The following PJA2 variants were observed in gnomAD, a reference collection of about 807,000 sequenced individuals.
PJA2 encodes praja ring finger ubiquitin ligase 2, also known as E3 ubiquitin-protein ligase Praja-2.
In PJA2, 25 loss-of-function variants were observed where a neutral mutation model predicts 69.3. The ratio of observed to expected loss-of-function variants is 0.36; its 90% confidence interval spans 0.26 to 0.50. The LOEUF is 0.50. Ranked by LOEUF, PJA2 falls within the 20% of genes least tolerant of loss-of-function variation. The pLI, the probability that PJA2 is intolerant of heterozygous loss-of-function variation, is 0.96. For missense variants in PJA2, 809 were observed against 830.2 expected, an observed-to-expected ratio of 0.97 and a Z score of 0.31; for synonymous variants, 308 against 277.8, an observed-to-expected ratio of 1.11 and a Z score of -1.08.
At chr5:109,408,884 C>T (rs893953533) in intron 1 of PJA2, among the ~76,000 whole-genome samples, 5 of 152,184 alleles carry the variant, frequency 3.3e-5, no homozygotes, top group African/African-American at 1.2e-4. Flanking sequence ...AGGTGACTGC[C>T]ATTTTAAAGA....
chr5:109,353,991 A>ATATCTAGAGATATCTATAGATTAGATATC (rs1762339629), intron 7 of PJA2, among the ~76,000 whole-genome samples: 1 of 142,166 alleles, frequency 7.0e-6, no homozygotes, highest in Non-Finnish European at 1.6e-5. Context: ...GATTAGATAG[A>ATATCTAGAGATATCTATAGATTAGATATC]TATCTAGAGA....
At chr5:109,363,807 C>T (rs768010816) in intron 5 of PJA2, among the ~76,000 whole-genome samples, 1 of 151,692 alleles carries the variant, frequency 6.6e-6, no homozygotes, top group Non-Finnish European at 1.5e-5. Flanking sequence ...TGGTACAGAT[C>T]AAGAAAATAA....
At chr5:109,356,110 C>T in intron 6 of PJA2, 84 bp from the exon 7 acceptor site, 4 of 828,130 alleles carry the variant, frequency 4.8e-6, no homozygotes, top group South Asian at 4.6e-5. Context: ...TATTAGCATA[C>T]TGACAAGCCG....
intron 1 of PJA2, among the ~76,000 whole-genome samples, chr5:109,385,219 A>T (rs947506287): frequency 2.0e-5 from 3 of 152,232 alleles, no homozygotes; most frequent in Non-Finnish European, 4.4e-5. Flanking sequence ...TGTATTGAAT[A>T]GCATGAAGAG....
chr5:109,394,361 C>A (rs368789562), intron 1 of PJA2, among the ~76,000 whole-genome samples: 5 of 151,924 alleles, frequency 3.3e-5, no homozygotes, highest in South Asian at 2.1e-4. Flanking sequence ...TGCTAGTTCT[C>A]GACTTGGCTG....
chr5:109,344,120 A>AAG, intron 9 of PJA2, 70 bp downstream of exon 9: 1 of 838,736 alleles, frequency 1.2e-6, no homozygotes, highest in East Asian at 3.4e-5. Flanking sequence ...AAAAAAAAAA[A>AAG]GATACTATTA....
At position 109,392,907 on chromosome 5, in the gene PJA2, GA is replaced by G. The variant is rs563753812; in HGVS notation, c.-87-9388del. 5.3e-5 allele frequency among the ~76,000 whole-genome samples: 8 copies of G among 151,638 alleles called. No homozygotes were observed. The South Asian group carries it at 1.7e-3, about 32-fold the overall frequency. On this transcript the variant is annotated intron_variant, in intron 1 of 9. Transcript: ENST00000361189. Reference sequence around the variant, plus strand: ...TACAAGGCAAAACAGTAAATCCAAAGAAAGGAGAAATCTTTACAATGTTGGA... The same window carrying G: ...TACAAGGCAAAACAGTAAATCCAAAGAAGGAGAAATCTTTACAATGTTGGA...
At chr5:109,367,286 A>G (rs1281674250) in intron 5 of PJA2, among the ~76,000 whole-genome samples, 1 of 151,272 alleles carries the variant, frequency 6.6e-6, no homozygotes, top group East Asian at 1.9e-4. Flanking sequence ...ATTTTTCTAT[A>G]TATTTTATTC....
At chr5:109,395,824 C>T (rs1254630878) in intron 1 of PJA2, among the ~76,000 whole-genome samples, 1 of 151,664 alleles carries the variant, frequency 6.6e-6, no homozygotes, top group Non-Finnish European at 1.5e-5. Flanking sequence ...CGTGGTGAAA[C>T]CCCATTTCTA....
intron 4 of PJA2, among the ~76,000 whole-genome samples, chr5:109,369,138 C>G (rs1356778600): frequency 6.6e-6 from 1 of 152,088 alleles, no homozygotes; most frequent in African/African-American, 2.4e-5. Flanking sequence ...GCTTCCTGTA[C>G]AGCCTGCTGA....
At chr5:109,379,369 T>C (rs1455083061) in intron 3 of PJA2, 115 bp from the exon 4 acceptor site, 1 of 732,516 alleles carries the variant, frequency 1.4e-6, no homozygotes, top group East Asian at 2.7e-5. Context: ...AATACATGAG[T>C]AAATTTATTT....
intron 6 of PJA2, among the ~76,000 whole-genome samples, chr5:109,357,268 A>G (rs1217522468): frequency 6.6e-6 from 1 of 150,404 alleles, no homozygotes; most frequent in Non-Finnish European, 1.5e-5. Flanking sequence ...TCCTATTTGA[A>G]TATCATAGTC....
At chr5:109,384,383 A>G (rs1420321034) in intron 1 of PJA2, among the ~76,000 whole-genome samples, 1 of 152,248 alleles carries the variant, frequency 6.6e-6, no homozygotes. Flanking sequence ...TCAATCAGGA[A>G]AAACTACAAT....
At chr5:109,402,353 A>C (rs1336778822) in intron 1 of PJA2, among the ~76,000 whole-genome samples, 1 of 152,194 alleles carries the variant, frequency 6.6e-6, no homozygotes, top group Non-Finnish European at 1.5e-5. Context: ...ATGGAAAATA[A>C]TATACAAACA....
At chr5:109,390,278 T>C (rs953638296) in intron 1 of PJA2, among the ~76,000 whole-genome samples, 8 of 152,038 alleles carry the variant, frequency 5.3e-5, no homozygotes, top group Admixed American at 3.9e-4. Context: ...TGTTACTATG[T>C]GAAAACATAT....
intron 1 of PJA2, among the ~76,000 whole-genome samples, chr5:109,388,274 G>T (rs931058218): frequency 3.3e-5 from 5 of 152,132 alleles, no homozygotes; most frequent in African/African-American, 1.2e-4. Flanking sequence ...AGGTCTTCCG[G>T]CAACAGCCAC....
chr5:109,380,815 A>T (rs10035266), intron 3 of PJA2, among the ~76,000 whole-genome samples: 1,679 of 151,268 alleles, frequency 0.011, 25 homozygotes, highest in Middle Eastern at 0.02. Context: ...AAAAAAAAAA[A>T]AAAAAAAAGA....
At chr5:109,388,924 C>G (rs1046094388) in intron 1 of PJA2, among the ~76,000 whole-genome samples, 6 of 152,132 alleles carry the variant, frequency 3.9e-5, no homozygotes, top group Non-Finnish European at 7.4e-5. Context: ...ATTATCACAA[C>G]TGAGATATAA....
rs182551819 is a variant in PJA2, at chr5:109,398,691, G to A, written c.-88+11151C>T. On this transcript the variant is annotated intron_variant, in intron 1 of 9. Transcript: ENST00000361189. ...TACCTAATGTAAATGACGAGTTAAT[G>A]GGTGCAGCACACCAACACGGCACAT... Among the ~76,000 whole-genome samples, 855 of 151,392 alleles carry A rather than the reference G, an allele frequency of 5.6e-3. 13 individuals carry two copies. Among genetic ancestry groups the A allele is most frequent in the African/African-American group, 0.02 (809 of 41,182 alleles).
Sources: gnomAD v4.1 joint callset for allele counts (sites outside exome capture counted in the v4.1 genomes callset) on GRCh38, gnomAD v4.1.1 for gene constraint, MANE v1.5 for transcripts, NCBI Gene and HGNC (gene_info 2026-07-23, HGNC 2026-07-21) for gene names.